Variants in PHLDB2 observed in about 807,000 individuals in gnomAD.
The protein encoded by PHLDB2 is pleckstrin homology like domain family B member 2.
In PHLDB2, 71 loss-of-function variants were observed where a neutral mutation model predicts 123.6. That is an observed-to-expected ratio of 0.57 (90% CI 0.47 to 0.70). The LOEUF is 0.70. Among genes scored for constraint, PHLDB2 ranks in the 30% least tolerant of loss-of-function variants. The pLI is 0.00. For synonymous variants in PHLDB2, 547 were observed against 541.6 expected (o/e 1.01, Z -0.14); for missense variants, 1,446 against 1,519.5 (o/e 0.95, Z 0.80).
At chr3:111,818,189 T>A (rs975153545) in intron 1 of PHLDB2, among the ~76,000 whole-genome samples, 1 of 151,690 alleles carries the variant, frequency 6.6e-6, no homozygotes, top group African/African-American at 2.4e-5. Context: ...TGTGTGTGTG[T>A]GTGTGTGTCT....
intron 1 of PHLDB2, among the ~76,000 whole-genome samples, chr3:111,776,791 C>G (rs189324259): frequency 6.6e-5 from 10 of 152,226 alleles, no homozygotes; most frequent in Admixed American, 1.3e-4. Context: ...AGTCCTAAAA[C>G]CAGTGGTATT....
In PHLDB2 at chr3:111,913,676, T is replaced by G. The variant is rs747004114; in HGVS notation, c.1693T>G (p.Ser565Ala). The change falls in exon 3 of 18, where the codon TCC becomes GCC. Residue 565 changes from serine (S) to alanine (A), a missense_variant. By Grantham distance (99) the Ser-to-Ala change is moderately conservative. Coordinates refer to ENST00000431670, the MANE Select transcript of PHLDB2 (RefSeq NM_001134438.2). ...SSTFPKASSE[S>A]SYLSILPKTP... ...CACCTTTCCGAAAGCTTCCAGCGAGTCCTCTTATCTAAGTATCCTACCAAA... is the reference window on the plus strand; with the variant it reads ...CACCTTTCCGAAAGCTTCCAGCGAGGCCTCTTATCTAAGTATCCTACCAAA... 1 of 1,613,196 alleles carries G rather than the reference T, an allele frequency of 6.2e-7. No individual in the cohort carries two copies. The highest frequency in any genetic ancestry group is 1.7e-5 in the Admixed American group (1 of 60,000).
chr3:111,932,151 C>A, intron 5 of PHLDB2, 118 bp from the exon 6 acceptor site: 1 of 1,127,640 alleles, frequency 8.9e-7, no homozygotes, highest in Non-Finnish European at 1.2e-6. Context: ...TTTCTACATT[C>A]ATAGATTGTC....
chr3:111,907,446 G>A (rs62277592), intron 2 of PHLDB2, among the ~76,000 whole-genome samples: 49,866 of 152,024 alleles, frequency 0.33, 8,609 homozygotes, highest in East Asian at 0.64. Flanking sequence ...GTGTGCACAT[G>A]ACAGGGAGGC....
chr3:111,880,726 C>T (rs1487262640), intron 1 of PHLDB2, among the ~76,000 whole-genome samples: 1 of 151,160 alleles, frequency 6.6e-6, no homozygotes, highest in Non-Finnish European at 1.5e-5. Flanking sequence ...CGTTAAAAAC[C>T]TGTTCATCCA....
chr3:111,949,189 TG>T, intron 10 of PHLDB2, 114 bp downstream of exon 10: 2 of 1,231,306 alleles, frequency 1.6e-6, no homozygotes, highest in Non-Finnish European at 2.3e-6. Flanking sequence ...TATATCTGTT[TG>T]GCCAGAGGGG....
At chr3:111,952,820 A>G in intron 11 of PHLDB2, 108 bp downstream of exon 11, 1 of 1,303,568 alleles carries the variant, frequency 7.7e-7, no homozygotes, top group South Asian at 1.5e-5. Context: ...ATAAATCATT[A>G]CATTTACTTG....
chr3:111,817,509 C>T (rs2062144168), intron 1 of PHLDB2, among the ~76,000 whole-genome samples: 2 of 152,196 alleles, frequency 1.3e-5, no homozygotes, highest in South Asian at 4.1e-4. Flanking sequence ...AGGTCACTTT[C>T]TGAGGATGTC....
chr3:111,955,045 C>A (rs995595405), intron 12 of PHLDB2, among the ~76,000 whole-genome samples: 2 of 151,728 alleles, frequency 1.3e-5, no homozygotes, highest in African/African-American at 4.8e-5. Flanking sequence ...TATATATACA[C>A]ACACACACAC....
intron 2 of PHLDB2, among the ~76,000 whole-genome samples, chr3:111,898,403 G>T (rs142839039): frequency 6.6e-6 from 1 of 151,880 alleles, no homozygotes. Flanking sequence ...GGCTCGTCTC[G>T]AACTCCTGAT....
intron 1 of PHLDB2, 31 bp downstream of exon 1, chr3:111,859,607 AG>A: frequency 1.0e-6 from 1 of 984,880 alleles, no homozygotes; most frequent in Non-Finnish European, 1.2e-6. Flanking sequence ...GCCCGGGAGG[AG>A]GGGGTGGTGC....
chr3:111,835,013 C>G (rs971167344), intron 1 of PHLDB2, among the ~76,000 whole-genome samples: 12 of 152,040 alleles, frequency 7.9e-5, no homozygotes, highest in Admixed American at 7.2e-4. Context: ...AAAAAAGGAA[C>G]CTTAACTATG....
At chr3:111,736,446 G>C (rs1439223539) in intron 1 of PHLDB2, among the ~76,000 whole-genome samples, 1 of 152,100 alleles carries the variant, frequency 6.6e-6, no homozygotes, top group Non-Finnish European at 1.5e-5. Context: ...GTTTTCAGAT[G>C]ATATCCTTTC....
intron 1 of PHLDB2, among the ~76,000 whole-genome samples, chr3:111,841,524 C>T (rs186455933): frequency 6.6e-6 from 1 of 152,340 alleles, no homozygotes; most frequent in Admixed American, 6.5e-5. Flanking sequence ...CATTGTCTCT[C>T]TATCTAACAG....
At chr3:111,812,845 A>T (rs1371312431) in intron 1 of PHLDB2, among the ~76,000 whole-genome samples, 1 of 152,242 alleles carries the variant, frequency 6.6e-6, no homozygotes, top group Non-Finnish European at 1.5e-5. Context: ...GAGTGGAGAC[A>T]TAACAATCAA....
intron 1 of PHLDB2, among the ~76,000 whole-genome samples, chr3:111,883,133 T>A (rs964981794): frequency 9.2e-5 from 14 of 152,370 alleles, no homozygotes; most frequent in South Asian, 2.1e-4. Context: ...AATTTTTTTT[T>A]ATCAGGTAGA....
intron 1 of PHLDB2, among the ~76,000 whole-genome samples, chr3:111,756,385 A>G (rs921651861): frequency 6.6e-6 from 1 of 152,206 alleles, no homozygotes; most frequent in Non-Finnish European, 1.5e-5. Flanking sequence ...TTCTCGTTGA[A>G]TTGATCCCTT....
At chr3:111,800,060 G>C (rs1034416589) in intron 1 of PHLDB2, among the ~76,000 whole-genome samples, 3 of 152,076 alleles carry the variant, frequency 2.0e-5, no homozygotes, top group African/African-American at 7.2e-5. Context: ...GCTTGAGTGT[G>C]GTGGCACAAT....
At chr3:111,970,687 G>A (rs2072114885) in intron 16 of PHLDB2, among the ~76,000 whole-genome samples, 1 of 152,010 alleles carries the variant, frequency 6.6e-6, no homozygotes. Context: ...GATCACATAC[G>A]AAACATGTCT....
Sources: gnomAD v4.1 joint callset for allele counts (sites outside exome capture counted in the v4.1 genomes callset) on GRCh38, gnomAD v4.1.1 for gene constraint, MANE v1.5 for transcripts, NCBI Gene and HGNC (gene_info 2026-07-23, HGNC 2026-07-21) for gene names.